Variants in PCDH15 observed in about 807,000 individuals in gnomAD.
PCDH15 encodes protocadherin-15.
PCDH15 carries 129 observed loss-of-function variants against 178.5 expected under a neutral mutation model. The ratio of observed to expected loss-of-function variants is 0.72; its 90% confidence interval spans 0.63 to 0.84. PCDH15 has a LOEUF of 0.84. Ranked by LOEUF, PCDH15 falls within the 40% of genes least tolerant of loss-of-function variation. PCDH15 has a pLI of 0.00. For synonymous variants in PCDH15, 800 were observed against 732.0 expected (o/e 1.09, Z -1.50); for missense variants, 2,230 against 2,099.9 (o/e 1.06, Z -1.21).
At chr10:54,304,264 G>A (rs573231554) in intron 8 of PCDH15, among the ~76,000 whole-genome samples, 2 of 152,150 alleles carry the variant, frequency 1.3e-5, no homozygotes, top group African/African-American at 4.8e-5. Flanking sequence ...TGAAAACAGA[G>A]CTACTATAAA....
chr10:55,213,178 C>A (rs1410868130), intron 1 of PCDH15, among the ~76,000 whole-genome samples: 1 of 152,022 alleles, frequency 6.6e-6, no homozygotes, highest in African/African-American at 2.4e-5. Context: ...GTTTTGGGAT[C>A]ATAGCAGATA....
intron 2 of PCDH15, among the ~76,000 whole-genome samples, chr10:55,108,267 A>G (rs1432749687): frequency 6.6e-6 from 1 of 152,228 alleles, no homozygotes; most frequent in Non-Finnish European, 1.5e-5. Context: ...GAACTTCTGA[A>G]TAAATTATCC....
At chr10:55,287,173 GAGA>G (rs1325687194) in intron 1 of PCDH15, among the ~76,000 whole-genome samples, 4 of 152,038 alleles carry the variant, frequency 2.6e-5, no homozygotes, top group Non-Finnish European at 4.4e-5. Flanking sequence ...GTCTTGTGTT[GAGA>G]AGAAGGTTCT....
intron 3 of PCDH15, among the ~76,000 whole-genome samples, chr10:54,456,245 A>G (rs1015447800): frequency 1.3e-5 from 2 of 152,188 alleles, no homozygotes; most frequent in Non-Finnish European, 2.9e-5. Context: ...CTGTGAAAGC[A>G]GCTGAAGGGG....
chr10:54,168,903 G>A (rs61858442), intron 13 of PCDH15, among the ~76,000 whole-genome samples: 52,370 of 151,400 alleles, frequency 0.35, 10,372 homozygotes, highest in Non-Finnish European at 0.46. Context: ...ATAGAAAAAT[G>A]TTGCAATTCC....
At chr10:54,655,372 A>T (rs2094378943) in intron 2 of PCDH15, among the ~76,000 whole-genome samples, 1 of 151,256 alleles carries the variant, frequency 6.6e-6, no homozygotes, top group Non-Finnish European at 1.5e-5. Context: ...CAATACTGGG[A>T]TATTGTAAGT....
chr10:55,335,761 ATGGGT>A (rs1210588790), intron 2 of PCDH15, among the ~76,000 whole-genome samples: 3 of 152,110 alleles, frequency 2.0e-5, no homozygotes. Context: ...CAGTTAGAAG[ATGGGT>A]TGTGCTGCAA....
At chr10:53,982,014 T>C (rs569575228) in intron 21 of PCDH15, among the ~76,000 whole-genome samples, 1 of 152,260 alleles carries the variant, frequency 6.6e-6, no homozygotes, top group East Asian at 1.9e-4. Context: ...GCAAAGGATA[T>C]GAACAGACAC....
chr10:55,521,225 T>C (rs1443997037), intron 2 of PCDH15, among the ~76,000 whole-genome samples: 2 of 152,054 alleles, frequency 1.3e-5, no homozygotes, highest in Non-Finnish European at 2.9e-5. Context: ...CTTTTAGATT[T>C]ATCCATGCTG....
At chr10:55,504,413 T>C (rs1252230871) in intron 2 of PCDH15, among the ~76,000 whole-genome samples, 1 of 151,398 alleles carries the variant, frequency 6.6e-6, no homozygotes, top group Non-Finnish European at 1.5e-5. Flanking sequence ...ATATTGTAAA[T>C]GAGGTCTCAA....
chr10:54,960,898 G>C (rs1838629039), intron 2 of PCDH15, among the ~76,000 whole-genome samples: 2 of 152,144 alleles, frequency 1.3e-5, no homozygotes, highest in African/African-American at 4.8e-5. Context: ...TCTGATAACA[G>C]ATCAGAGAAC....
intron 8 of PCDH15, among the ~76,000 whole-genome samples, chr10:54,248,103 T>C (rs2056162747): frequency 6.6e-6 from 1 of 151,632 alleles, no homozygotes; most frequent in Non-Finnish European, 1.5e-5. Context: ...AAATTTTCAT[T>C]TGAAACTAGA....
chr10:53,866,877 A>G lies in PCDH15; in HGVS notation c.3502-20T>C, dbSNP rs2079499356. 1 of 1,524,470 alleles carries G rather than the reference A, an allele frequency of 6.6e-7. No individual in the cohort carries two copies. The highest frequency in any genetic ancestry group is 1.1e-5 in the South Asian group (1 of 89,076). The allele number at this position is 1,524,470 out of a possible 1,614,324, so 94.4% of individuals were successfully genotyped here. A position where few individuals can be genotyped will look rare whatever the true frequency, so the allele number is the denominator to read the frequency against. On this transcript the variant is annotated intron_variant, in intron 26 of 37. Transcript: ENST00000644397. ...AGTAGCCTAGACGGAGGGGAAAAAAAAAGAGATTATAATTAAGCAGGAAAA... is the reference window on the plus strand; with the variant it reads ...AGTAGCCTAGACGGAGGGGAAAAAAGAAGAGATTATAATTAAGCAGGAAAA...
intron 2 of PCDH15, among the ~76,000 whole-genome samples, chr10:54,902,090 T>C (rs1021350600): frequency 1.3e-5 from 2 of 152,176 alleles, no homozygotes; most frequent in Admixed American, 6.5e-5. Context: ...TTAATGTAAC[T>C]GAAACAAGCA....
rs533942587 is a variant in PCDH15 at position 54,688,064 on chromosome 10, T to TA, written c.-28-23775_-28-23774insT. ...CACAATAAAATAAAATTAAAAAAATTTAAAAAAGTCTTCACTAGCATTAAA... is the reference window on the plus strand; with the variant it reads ...CACAATAAAATAAAATTAAAAAAATTATAAAAAAGTCTTCACTAGCATTAAA... On this transcript the variant is annotated intron_variant, in intron 1 of 37. Coordinates refer to ENST00000644397, the MANE Select transcript of PCDH15 (RefSeq NM_001384140.1). 5.5e-3 allele frequency among the ~76,000 whole-genome samples: 834 copies of TA among 152,000 alleles called. 3 individuals carry two copies. Among genetic ancestry groups the TA allele is most frequent in the Non-Finnish European group, 9.4e-3 (639 of 67,944 alleles).
chr10:55,385,837 G>A lies in PCDH15; in HGVS notation c.-155-219186C>T, dbSNP rs146185710. Among the ~76,000 whole-genome samples, 645 of 149,046 alleles carry A rather than the reference G, an allele frequency of 4.3e-3. 9 individuals are homozygous for A. Among genetic ancestry groups the A allele is most frequent in the African/African-American group, 0.015 (614 of 40,472 alleles). On this transcript the variant is annotated intron_variant, in intron 2 of 5. Transcript: ENST00000613346. ...TATGCATATATATACGTATATATAC[G>A]TAGATATGCACATCTATATACATAT...
At chr10:53,977,662 T>A (rs983517214) in intron 21 of PCDH15, among the ~76,000 whole-genome samples, 8 of 152,160 alleles carry the variant, frequency 5.3e-5, no homozygotes, top group African/African-American at 1.4e-4. Context: ...CTCAAAGTCT[T>A]AACTCATTTC....
chr10:54,503,221 A>ATGTGTGTGTGTGTG (rs2080861468), intron 3 of PCDH15, among the ~76,000 whole-genome samples: 1 of 100,850 alleles, frequency 9.9e-6, no homozygotes, highest in African/African-American at 3.6e-5. Context: ...AAATATACAT[A>ATGTGTGTGTGTGTG]TATATGTGTG....
At chr10:54,824,829 T>C (rs912762054) in intron 3 of PCDH15, among the ~76,000 whole-genome samples, 5 of 152,292 alleles carry the variant, frequency 3.3e-5, no homozygotes, top group Admixed American at 6.6e-5. Flanking sequence ...GTTATCTTTC[T>C]TTATTATCAA....
Sources: allele counts gnomAD v4.1 joint callset (sites outside exome capture counted in the v4.1 genomes callset), GRCh38; gene constraint gnomAD v4.1.1; transcripts MANE v1.5; gene names NCBI Gene and HGNC (gene_info 2026-07-23, HGNC 2026-07-21).